GPRC5B: variants seen among roughly 807,000 people sequenced by gnomAD.
GPRC5B encodes the protein G protein-coupled receptor class C group 5 member B.
GPRC5B carries 16 observed loss-of-function variants against 30.1 expected under a neutral mutation model. That is an observed-to-expected ratio of 0.53 (90% CI 0.36 to 0.81). GPRC5B has a LOEUF of 0.81. Among genes scored for constraint, GPRC5B ranks in the 30% least tolerant of loss-of-function variants. The pLI, the probability that GPRC5B is intolerant of heterozygous loss-of-function variation, is 0.01. For missense variants in GPRC5B, 428 were observed against 544.7 expected (o/e 0.79, Z 2.13); for synonymous variants, 241 against 239.5 (o/e 1.01, Z -0.06).
At chr16:19,870,223 G>A (rs953290592) in intron 2 of GPRC5B, among the ~76,000 whole-genome samples, 5 of 152,192 alleles carry the variant, frequency 3.3e-5, no homozygotes, top group South Asian at 2.1e-4. Context: ...CCTGTTGCCC[G>A]TGGTAGTAAC....
intron 1 of GPRC5B, among the ~76,000 whole-genome samples, chr16:19,878,909 CTCAGGGCGTGGG>C (rs1210903842): frequency 6.6e-6 from 1 of 152,192 alleles, no homozygotes; most frequent in Non-Finnish European, 1.5e-5. Flanking sequence ...AATGCAGATT[CTCAGGGCGTGGG>C]TCCAGCCACC....
chr16:19,879,442 GAC>G (rs928356659), intron 1 of GPRC5B, among the ~76,000 whole-genome samples: 216 of 151,468 alleles, frequency 1.4e-3, no homozygotes, highest in African/African-American at 5.1e-3. Flanking sequence ...CACACACACA[GAC>G]ACACACACAC....
chr16:19,884,883 T>G (rs1458240071), upstream of GPRC5B: 1 of 936,576 alleles, frequency 1.1e-6, no homozygotes, highest in Non-Finnish European at 1.3e-6. Flanking sequence ...AGGCGCCCCC[T>G]GGCCCGGCCC....
At chr16:19,867,451 C>T (rs969037266) in intron 2 of GPRC5B, among the ~76,000 whole-genome samples, 5 of 152,138 alleles carry the variant, frequency 3.3e-5, no homozygotes, top group Admixed American at 2.6e-4. Context: ...AGAATGATAC[C>T]GGGCCCCCAG....
At chr16:19,879,228 G>A (rs536656306) in intron 1 of GPRC5B, among the ~76,000 whole-genome samples, 13 of 152,108 alleles carry the variant, frequency 8.5e-5, no homozygotes, top group Non-Finnish European at 1.8e-4. Flanking sequence ...AGGATTGATT[G>A]GGACAGGATG....
In GPRC5B at chr16:19,872,994, C is replaced by T; in HGVS notation, c.-1-148G>A. Reference sequence around the variant, plus strand: ...CTTTGCACACATAGGAAAACGTGCTCCTTTCCTCAGGCACGGAGGTTTTGG... The same window carrying T: ...CTTTGCACACATAGGAAAACGTGCTTCTTTCCTCAGGCACGGAGGTTTTGG... On this transcript the variant is annotated intron_variant, in intron 1 of 3. Transcript: ENST00000300571. This position sits in a 1 kb window ranked among gnomAD's most constrained non-coding sequence, Gnocchi z 5.0. 3.2e-6 allele frequency: 2 copies of T among 630,094 alleles called. No homozygotes were observed. The highest frequency in any genetic ancestry group is 5.7e-5 in the Admixed American group (2 of 35,044). 39.0% of individuals were successfully genotyped at this position (630,094 alleles called of 1,614,324 possible).
At chr16:19,866,465 T>C (rs1160679554) in intron 2 of GPRC5B, among the ~76,000 whole-genome samples, 1 of 152,034 alleles carries the variant, frequency 6.6e-6, no homozygotes, top group Admixed American at 6.6e-5. Flanking sequence ...CAAGCGATTC[T>C]CCCACCTCAG....
At chr16:19,864,981 T>G (rs2056655494) in intron 2 of GPRC5B, among the ~76,000 whole-genome samples, 1 of 151,096 alleles carries the variant, frequency 6.6e-6, no homozygotes, top group African/African-American at 2.4e-5. Flanking sequence ...TACGGCTCAT[T>G]GCAGCCTCGA....
chr16:19,874,838 T>C (rs1597631546), intron 1 of GPRC5B: 1 of 148,876 alleles, frequency 6.7e-6, no homozygotes, highest in Non-Finnish European at 1.5e-5. Flanking sequence ...GTCCCCTACC[T>C]CACGGCTACC....
At chr16:19,870,758 G>A (rs186279934) in intron 2 of GPRC5B, among the ~76,000 whole-genome samples, 1 of 152,318 alleles carries the variant, frequency 6.6e-6, no homozygotes, top group Admixed American at 6.5e-5. Flanking sequence ...ATAGAGAGCG[G>A]TAGAGAGTGC....
rs1567204911 is a variant in GPRC5B, at chr16:19,857,470, CG to C, written c.*3029del. The C allele has an allele frequency of 6.9e-6, 3 of 437,440 alleles. No individual in the cohort carries two copies. The highest frequency in any genetic ancestry group is 2.6e-5 in the Admixed American group (1 of 37,972). 27.1% of individuals were successfully genotyped at this position (437,440 alleles called of 1,614,324 possible). ...TTTTTATAAGTATGCAACAGTCAGC[CG>C]GGGGAAGATAAAGGTACATTATAAA... On this transcript the variant is annotated 3_prime_UTR_variant, in exon 4 of 4. Transcript: ENST00000300571.
chr16:19,863,935 A>AC (rs1306130870), intron 2 of GPRC5B, among the ~76,000 whole-genome samples: 2 of 151,424 alleles, frequency 1.3e-5, no homozygotes, highest in East Asian at 1.9e-4. Flanking sequence ...CCGCCCCCCA[A>AC]CCCCCCCGCA....
At chr16:19,883,333 G>A (rs1204431841) in intron 1 of GPRC5B, among the ~76,000 whole-genome samples, 1 of 152,136 alleles carries the variant, frequency 6.6e-6, no homozygotes, top group African/African-American at 2.4e-5. Context: ...CCCCTTTCCA[G>A]GCTTAGAGCA....
chr16:19,879,529 T>C (rs1034967785), intron 1 of GPRC5B, among the ~76,000 whole-genome samples: 5 of 152,116 alleles, frequency 3.3e-5, no homozygotes, highest in Non-Finnish European at 5.9e-5. Context: ...TCTCTCCACG[T>C]GCTGGGGCCT....
intron 1 of GPRC5B, among the ~76,000 whole-genome samples, chr16:19,884,167 T>C (rs1023070156): frequency 4.3e-5 from 5 of 115,704 alleles, no homozygotes; most frequent in Non-Finnish European, 8.6e-5. Context: ...AGCTCTGCCA[T>C]CTCCCACCGC....
At chr16:19,869,848 G>C (rs184275310) in intron 2 of GPRC5B, among the ~76,000 whole-genome samples, 297 of 152,252 alleles carry the variant, frequency 2.0e-3, no homozygotes, top group African/African-American at 6.7e-3. Flanking sequence ...GAGGTGGGGG[G>C]ATCACTTGGG....
At chr16:19,862,324 C>T (rs2056632481) in intron 2 of GPRC5B, 1 of 266,786 alleles carries the variant, frequency 3.7e-6, no homozygotes, top group South Asian at 4.8e-5. Flanking sequence ...TTCAGCATCA[C>T]ACTACTCAAA....
At chr16:19,866,553 A>G (rs1405096633) in intron 2 of GPRC5B, among the ~76,000 whole-genome samples, 3 of 151,316 alleles carry the variant, frequency 2.0e-5, no homozygotes, top group Non-Finnish European at 2.9e-5. Context: ...TATTTTTTGT[A>G]TTTTTAGTAG....
At chr16:19,874,097 C>T (rs1215724075) in intron 1 of GPRC5B, among the ~76,000 whole-genome samples, 1 of 152,154 alleles carries the variant, frequency 6.6e-6, no homozygotes, top group Non-Finnish European at 1.5e-5. Flanking sequence ...CAGCTGTCTT[C>T]CTTGGTTCCA....
Sources: gnomAD v4.1 joint callset for allele counts (sites outside exome capture counted in the v4.1 genomes callset) on GRCh38, gnomAD v4.1.1 for gene constraint, Gnocchi (gnomAD v3.1) non-coding constraint, MANE v1.5 for transcripts, NCBI Gene and HGNC (gene_info 2026-07-23, HGNC 2026-07-21) for gene names.